The following PDE8A variants were observed in gnomAD, a reference collection of about 807,000 sequenced individuals.
PDE8A encodes the protein high affinity cAMP-specific and IBMX-insensitive 3',5'-cyclic phosphodiesterase 8A.
Under a neutral mutation model 105.0 loss-of-function variants are expected in PDE8A, and 59 were observed. The observed-to-expected ratio is 0.56, with a 90% CI of 0.46 to 0.70. The LOEUF is 0.70. Ranked by LOEUF, PDE8A falls within the 30% of genes least tolerant of loss-of-function variation. The probability of loss-of-function intolerance (pLI) is 0.00; values close to 1 mark genes in which losing one functional copy is unlikely to be tolerated. For synonymous variants in PDE8A, 355 were observed against 371.9 expected, an observed-to-expected ratio of 0.95 and a Z score of 0.52; for missense variants, 1,014 against 1,045.9, an observed-to-expected ratio of 0.97 and a Z score of 0.42.
Position 84,982,288 on chromosome 15 carries a change from G to A in PDE8A, c.126G>A (p.Leu42=). The A allele has an allele frequency of 2.2e-6, 3 of 1,387,514 alleles. No homozygotes were observed. Among genetic ancestry groups the A allele is most frequent in the Non-Finnish European group, 2.8e-6 (3 of 1,081,312 alleles). 86.0% of individuals were successfully genotyped at this position (1,387,514 alleles called of 1,614,324 possible). The change falls in exon 1 of 22, where the codon TTG becomes TTA. Residue 42 remains leucine (L), a synonymous_variant. Coordinates refer to ENST00000394553, the MANE Select transcript of PDE8A (RefSeq NM_002605.3). ...CGCAGGGCCAGAAGACGGCCGCCTTGCCCCGGACCCGCGGCGCCGGCCTCT... is the reference window on the plus strand; with the variant it reads ...CGCAGGGCCAGAAGACGGCCGCCTTACCCCGGACCCGCGGCGCCGGCCTCT... ...RLPQGQKTAA[L]PRTRGAGLLE...
At chr15:85,135,690 C>A (rs1022285176) in intron 20 of PDE8A, among the ~76,000 whole-genome samples, 3 of 152,166 alleles carry the variant, frequency 2.0e-5, no homozygotes, top group African/African-American at 7.2e-5. Flanking sequence ...ATGGACCTTA[C>A]CTCACCCTTT....
At chr15:85,054,668 T>TC (rs1313568495) in intron 1 of PDE8A, among the ~76,000 whole-genome samples, 1 of 152,206 alleles carries the variant, frequency 6.6e-6, no homozygotes, top group African/African-American at 2.4e-5. Flanking sequence ...TATATTCCCT[T>TC]CATCATTTTC....
chr15:85,003,241 A>T (rs937973151), intron 1 of PDE8A, among the ~76,000 whole-genome samples: 8 of 152,212 alleles, frequency 5.3e-5, no homozygotes, highest in Admixed American at 1.3e-4. Context: ...TTTCCCTGTC[A>T]TTGGTGCCAT....
At chr15:85,011,889 A>G (rs111645837) in intron 1 of PDE8A, among the ~76,000 whole-genome samples, 71 of 152,348 alleles carry the variant, frequency 4.7e-4, no homozygotes, top group African/African-American at 1.7e-3. Context: ...TGGGCGAAGG[A>G]CATGAACAGA....
At chr15:84,980,856 G>A (rs1596401429), upstream of PDE8A, among the ~76,000 whole-genome samples, 1 of 152,180 alleles carries the variant, frequency 6.6e-6, no homozygotes, top group Non-Finnish European at 1.5e-5. Context: ...GGCGCCTGCA[G>A]CCTGCCCGGT....
intron 12 of PDE8A, among the ~76,000 whole-genome samples, chr15:85,112,384 CTG>C (rs2082033865): frequency 6.6e-6 from 1 of 152,244 alleles, no homozygotes; most frequent in Middle Eastern, 3.4e-3. Context: ...CAATAGATCT[CTG>C]TTGTTTGTTA....
chr15:85,040,404 A>T (rs899964943), intron 1 of PDE8A, among the ~76,000 whole-genome samples: 2 of 151,472 alleles, frequency 1.3e-5, no homozygotes, highest in Non-Finnish European at 2.9e-5. Flanking sequence ...AAGAAAAGAA[A>T]AAACATTTTT....
chr15:85,027,973 G>A (rs1874101554), intron 1 of PDE8A, among the ~76,000 whole-genome samples: 1 of 152,144 alleles, frequency 6.6e-6, no homozygotes. Context: ...AAACTTCATA[G>A]TGTTACATTG....
intron 1 of PDE8A, among the ~76,000 whole-genome samples, chr15:84,989,284 A>G (rs1031676380): frequency 1.3e-5 from 2 of 152,260 alleles, no homozygotes; most frequent in Non-Finnish European, 2.9e-5. Flanking sequence ...GTGACCTCCA[A>G]TAATTTGGGA....
At chr15:85,089,744 G>A (rs887913726) in intron 7 of PDE8A, among the ~76,000 whole-genome samples, 1 of 152,184 alleles carries the variant, frequency 6.6e-6, no homozygotes, top group African/African-American at 2.4e-5. Context: ...GCTGTTGTAC[G>A]AAGGGGAATG....
intron 1 of PDE8A, among the ~76,000 whole-genome samples, chr15:85,016,163 T>TA (rs1412628125): frequency 6.6e-6 from 1 of 152,164 alleles, no homozygotes; most frequent in Non-Finnish European, 1.5e-5. Flanking sequence ...AAATAAAATT[T>TA]AAAAAATGAC....
Position 85,089,332 on chromosome 15 carries a change from A to AT in PDE8A, c.636-5dup, listed in dbSNP as rs1297914419. 3 of 1,500,806 alleles carry AT rather than the reference A, an allele frequency of 2.0e-6. No individual in the cohort carries two copies. The East Asian group carries it at 6.8e-5, about 34-fold the overall frequency. 93.0% of individuals were successfully genotyped at this position (1,500,806 alleles called of 1,614,324 possible). On this transcript the variant is annotated splice_region_variant and splice_polypyrimidine_tract_variant and intron_variant, in intron 6 of 21. Coordinates refer to ENST00000394553, the MANE Select transcript of PDE8A (RefSeq NM_002605.3). ...TAATCATTCCTTTTTTTGTTTACTC[A>AT]TAAAGGGCTTGTAACTCAGTATTCA...
intron 11 of PDE8A, among the ~76,000 whole-genome samples, chr15:85,107,575 G>C (rs1413276980): frequency 2.6e-5 from 4 of 152,142 alleles, no homozygotes; most frequent in African/African-American, 7.2e-5. Flanking sequence ...CCTTAGATTT[G>C]GCTGACCCAG....
At chr15:85,057,399 C>A (rs889985109) in intron 1 of PDE8A, among the ~76,000 whole-genome samples, 2 of 152,204 alleles carry the variant, frequency 1.3e-5, no homozygotes, top group African/African-American at 2.4e-5. Context: ...CTATGCCCTG[C>A]CCCCAGAGGT....
At chr15:85,117,299 C>T (rs2082111211) in intron 16 of PDE8A, among the ~76,000 whole-genome samples, 1 of 152,208 alleles carries the variant, frequency 6.6e-6, no homozygotes, top group African/African-American at 2.4e-5. Context: ...CAAGCTTAGC[C>T]TGGAGAAAGG....
chr15:85,046,963 A>C (rs2080897061), intron 1 of PDE8A, among the ~76,000 whole-genome samples: 2 of 152,220 alleles, frequency 1.3e-5, no homozygotes, highest in Non-Finnish European at 2.9e-5. Context: ...ATATTGTCTG[A>C]TATCCTAATA....
rs1286405001 is a variant in PDE8A at position 85,095,873 on chromosome 15, TA to T, written c.853-2074del. On this transcript the variant is annotated intron_variant, in intron 8 of 21. Transcript: ENST00000394553. ...AGAAGATCCTGAATATATATATATA[TA>T]TTTTTTTTATATATATATTTTTTGT... Among the ~76,000 whole-genome samples the T allele has an allele frequency of 6.8e-3, 824 of 121,024 alleles. 7 individuals carry two copies. Among genetic ancestry groups the T allele is most frequent in the African/African-American group, 0.038 (789 of 20,506 alleles). The allele number at this position is 121,024 out of a possible 152,430, so 79.4% of individuals were successfully genotyped here.
At chr15:85,072,910 C>T (rs1315608835) in intron 3 of PDE8A, among the ~76,000 whole-genome samples, 3 of 152,122 alleles carry the variant, frequency 2.0e-5, no homozygotes, top group African/African-American at 7.2e-5. Context: ...CCCAGGAGTT[C>T]GAGACCAGCT....
At chr15:85,046,637 A>G (rs897001714) in intron 1 of PDE8A, among the ~76,000 whole-genome samples, 1 of 152,224 alleles carries the variant, frequency 6.6e-6, no homozygotes, top group African/African-American at 2.4e-5. Flanking sequence ...ACAAAAAAGA[A>G]GATAGATAAT....
Sources: allele counts gnomAD v4.1 joint callset (sites outside exome capture counted in the v4.1 genomes callset), GRCh38; gene constraint gnomAD v4.1.1; transcripts MANE v1.5; gene names NCBI Gene and HGNC (gene_info 2026-07-23, HGNC 2026-07-21).